The following GHR variants were observed in gnomAD, a reference collection of about 807,000 sequenced individuals.
GHR encodes GH receptor.
GHR carries 35 observed loss-of-function variants against 67.1 expected under a neutral mutation model. That is an observed-to-expected ratio of 0.52 (90% confidence interval 0.40 to 0.69). The LOEUF (loss-of-function observed/expected upper bound fraction) is 0.69. Ranked by LOEUF, GHR falls within the 30% of genes least tolerant of loss-of-function variation. The probability of loss-of-function intolerance (pLI) is 0.00; values close to 1 mark genes in which losing one functional copy is unlikely to be tolerated. For synonymous variants in GHR, 272 were observed against 269.1 expected (o/e 1.01, Z -0.10); for missense variants, 792 against 764.6 (o/e 1.04, Z -0.42).
At chr5:42,444,004 G>GAC (rs375536742) in intron 1 of GHR, among the ~76,000 whole-genome samples, 4,053 of 147,054 alleles carry the variant, frequency 0.028, 78 homozygotes, top group Non-Finnish European at 0.039. Flanking sequence ...CATAGACATA[G>GAC]ATAGATATAG....
chr5:42,717,513 T>C (rs1758778361), intron 8 of GHR, among the ~76,000 whole-genome samples: 1 of 152,204 alleles, frequency 6.6e-6, no homozygotes. Flanking sequence ...ATGAACCCTG[T>C]AGTAAAACCC....
chr5:42,523,902 G>A (rs1747585179), intron 1 of GHR, among the ~76,000 whole-genome samples: 1 of 152,062 alleles, frequency 6.6e-6, no homozygotes, highest in African/African-American at 2.4e-5. Context: ...TTCCACTTTT[G>A]CTTCTTCCTC....
At chr5:42,595,332 G>A (rs1752010240) in intron 2 of GHR, among the ~76,000 whole-genome samples, 1 of 152,144 alleles carries the variant, frequency 6.6e-6, no homozygotes, top group Admixed American at 6.5e-5. Context: ...GCTCAATGCT[G>A]CAGTAAAAAC....
chr5:42,630,003 G>C (rs1753866005), intron 3 of GHR, among the ~76,000 whole-genome samples: 1 of 131,290 alleles, frequency 7.6e-6, no homozygotes, highest in South Asian at 2.4e-4. Context: ...TCAACCACAA[G>C]ACAGAACCCC....
chr5:42,511,618 C>A (rs1199776704), intron 1 of GHR, among the ~76,000 whole-genome samples: 4 of 152,020 alleles, frequency 2.6e-5, no homozygotes, highest in African/African-American at 9.7e-5. Context: ...TTTTTGTTAG[C>A]TGTTATCTGG....
chr5:42,501,035 G>A (rs909659514), intron 1 of GHR, among the ~76,000 whole-genome samples: 3 of 152,172 alleles, frequency 2.0e-5, no homozygotes, highest in Admixed American at 1.3e-4. Flanking sequence ...GGGCCACAGA[G>A]TTAATACTCC....
chr5:42,598,304 A>G (rs921234334), intron 2 of GHR, among the ~76,000 whole-genome samples: 11 of 152,340 alleles, frequency 7.2e-5, no homozygotes, highest in African/African-American at 2.6e-4. Flanking sequence ...CATGCTAAGG[A>G]GTTTCCAATT....
chr5:42,488,578 G>C (rs953542315), intron 1 of GHR, among the ~76,000 whole-genome samples: 1 of 152,106 alleles, frequency 6.6e-6, no homozygotes. Flanking sequence ...GCAGGGTTTT[G>C]ATTGATGTAT....
intron 1 of GHR, among the ~76,000 whole-genome samples, chr5:42,537,833 A>T (rs1748327939): frequency 6.6e-6 from 1 of 151,560 alleles, no homozygotes; most frequent in Non-Finnish European, 1.5e-5. Context: ...TAAATTTGGA[A>T]CCTCCAGTGT....
At chr5:42,666,321 T>G (rs1305174132) in intron 3 of GHR, among the ~76,000 whole-genome samples, 1 of 152,170 alleles carries the variant, frequency 6.6e-6, no homozygotes, top group Non-Finnish European at 1.5e-5. Context: ...TCCAAACTAT[T>G]ATCATTTTGA....
intron 1 of GHR, among the ~76,000 whole-genome samples, chr5:42,508,500 G>A (rs1161209689): frequency 6.6e-6 from 1 of 152,016 alleles, no homozygotes; most frequent in Non-Finnish European, 1.5e-5. Flanking sequence ...TATAAATAGT[G>A]AGACCTGAGA....
intron 1 of GHR, among the ~76,000 whole-genome samples, chr5:42,556,278 A>G (rs1000137392): frequency 5.3e-5 from 8 of 152,170 alleles, no homozygotes; most frequent in African/African-American, 1.9e-4. Context: ...ATAAATTATT[A>G]TAGTAATCAT....
intron 1 of GHR, among the ~76,000 whole-genome samples, chr5:42,539,891 T>G (rs750217326): frequency 1.3e-5 from 2 of 152,186 alleles, no homozygotes; most frequent in Admixed American, 6.6e-5. Context: ...GCTTCAAAAT[T>G]TCACTGTTTT....
intron 3 of GHR, among the ~76,000 whole-genome samples, chr5:42,641,182 G>GCTGTACACGT (rs57383090): frequency 1.3e-5 from 2 of 151,772 alleles, no homozygotes; most frequent in Non-Finnish European, 2.9e-5. Flanking sequence ...GCTGTACACA[G>GCTGTACACGT]AGCTAAAAGT....
chr5:42,708,724 C>T (rs977646124), intron 6 of GHR, among the ~76,000 whole-genome samples: 5 of 152,270 alleles, frequency 3.3e-5, no homozygotes, highest in Middle Eastern at 3.4e-3. Context: ...CATATAGTTA[C>T]GTCTCACTGA....
intron 1 of GHR, among the ~76,000 whole-genome samples, chr5:42,515,938 G>A (rs1025917174): frequency 5.3e-5 from 8 of 152,216 alleles, no homozygotes; most frequent in Non-Finnish European, 1.0e-4. Flanking sequence ...TAAGCCCACT[G>A]AAAACTATTC....
chr5:42,666,449 G>A (rs1200092893), intron 3 of GHR, among the ~76,000 whole-genome samples: 1 of 151,942 alleles, frequency 6.6e-6, no homozygotes, highest in African/African-American at 2.4e-5. Context: ...ATCTCAACTG[G>A]GATGTGAAAT....
At chr5:42,544,998 T>C (rs1748676506) in intron 1 of GHR, among the ~76,000 whole-genome samples, 1 of 152,196 alleles carries the variant, frequency 6.6e-6, no homozygotes, top group African/African-American at 2.4e-5. Context: ...TAACTCCATA[T>C]AATGGAGATT....
At chr5:42,647,574 CAA>C (rs36110641) in intron 3 of GHR, 11,014 of 315,874 alleles carry the variant, frequency 0.035, no homozygotes, top group South Asian at 0.056. Context: ...ACTGCGTCTC[CAA>C]AAAAAAAAAA....
Sources: gnomAD v4.1 joint callset for allele counts (sites outside exome capture counted in the v4.1 genomes callset) on GRCh38, gnomAD v4.1.1 for gene constraint, MANE v1.5 for transcripts, NCBI Gene and HGNC (gene_info 2026-07-23, HGNC 2026-07-21) for gene names.